The following EIF3L variants were observed in gnomAD, a reference collection of about 807,000 sequenced individuals.
EIF3L encodes eukaryotic translation initiation factor 3 subunit L, also known as eIEF associated protein HSPC021.
Under a neutral mutation model 74.6 loss-of-function variants are expected in EIF3L, and 32 were observed. The observed-to-expected ratio is 0.43, with a 90% CI of 0.32 to 0.58. EIF3L has a LOEUF of 0.58. Ranked by LOEUF, EIF3L falls within the 20% of genes least tolerant of loss-of-function variation. The pLI, the probability that EIF3L is intolerant of heterozygous loss-of-function variation, is 0.06. For synonymous variants in EIF3L, 256 were observed against 254.4 expected (o/e 1.01, Z -0.06); for missense variants, 474 against 707.8 (o/e 0.67, Z 3.75).
intron 4 of EIF3L, chr22:37,858,424 G>A: frequency 2.2e-6 from 1 of 449,172 alleles, no homozygotes; most frequent in Non-Finnish European, 3.9e-6. Flanking sequence ...TTATGCACTT[G>A]GATGGCAGAA....
At chr22:37,884,711 T>G (rs1190784939) in intron 11 of EIF3L, 6 of 152,096 alleles carry the variant, frequency 3.9e-5, no homozygotes, top group Admixed American at 3.9e-4. Context: ...GAGTCCCTTA[T>G]AGCCCCTGCC....
At position 37,877,357 on chromosome 22, in the gene EIF3L, A is replaced by C. The variant is rs1480042777; in HGVS notation, c.1078-317A>C. ...ATATTTCTGTCGTCATCAAGGTTGC[A>C]TCAAAGGTTTTGGGTAACTCGATCC... On this transcript the variant is annotated intron_variant, in intron 10 of 12. Transcript: ENST00000652021. 26 of 293,134 alleles carry C rather than the reference A, an allele frequency of 8.9e-5. No individual in the cohort carries two copies. In the East Asian group the frequency reaches 1.5e-3, roughly 17 times the overall value. 18.2% of individuals were successfully genotyped at this position (293,134 alleles called of 1,614,324 possible).
At chr22:37,865,400 C>T (rs1048788278) in intron 7 of EIF3L, among the ~76,000 whole-genome samples, 2 of 151,666 alleles carry the variant, frequency 1.3e-5, no homozygotes, top group Non-Finnish European at 2.9e-5. Context: ...GCAGAGCTTG[C>T]AGTGAGCCAA....
chr22:37,852,591 A>G (rs566021288), intron 3 of EIF3L, among the ~76,000 whole-genome samples: 1 of 152,272 alleles, frequency 6.6e-6, no homozygotes, highest in Admixed American at 6.5e-5. Context: ...AGGCCTATTG[A>G]TCAATGAATA....
chr22:37,853,297 G>A (rs1381868021), intron 3 of EIF3L, among the ~76,000 whole-genome samples: 5 of 152,220 alleles, frequency 3.3e-5, no homozygotes, highest in African/African-American at 7.2e-5. Flanking sequence ...CAGAAGAAGA[G>A]AGGGAGGCAA....
At chr22:37,878,874 A>C (rs1329644051) in intron 11 of EIF3L, 6 of 152,156 alleles carry the variant, frequency 3.9e-5, no homozygotes, top group Non-Finnish European at 7.3e-5. Context: ...TACGGTGTTC[A>C]GACAGGCTTT....
intron 2 of EIF3L, chr22:37,850,414 A>G (rs575244713): frequency 8.3e-6 from 2 of 239,784 alleles, no homozygotes; most frequent in African/African-American, 2.3e-5. Context: ...GCTCACTGCA[A>G]CCTCCGCGTC....
In EIF3L at chr22:37,889,130, A is replaced by G. The variant is rs1245974121; in HGVS notation, c.*666A>G. 1.3e-5 allele frequency: 2 copies of G among 151,840 alleles called. No individual in the cohort carries two copies. The highest frequency in any genetic ancestry group is 4.8e-5 in the African/African-American group (2 of 41,310). The allele number at this position is 151,840 out of a possible 1,614,324, so 9.4% of individuals were successfully genotyped here. ...ACTGGCGCGATCTCGGCTCACTGCA[A>G]GCTCCACCTCCCAGGTTCCTGCCAT... On this transcript the variant is annotated 3_prime_UTR_variant, in exon 13 of 13. Coordinates refer to ENST00000652021, the MANE Select transcript of EIF3L (RefSeq NM_016091.4).
chr22:37,856,970 T>C (rs1033039123), intron 4 of EIF3L, among the ~76,000 whole-genome samples: 1 of 151,758 alleles, frequency 6.6e-6, no homozygotes, highest in African/African-American at 2.4e-5. Context: ...GATTTTAGGA[T>C]GGACTTGTCA....
intron 11 of EIF3L, chr22:37,885,309 A>G (rs961471412): frequency 6.6e-6 from 1 of 152,088 alleles, no homozygotes; most frequent in Non-Finnish European, 1.5e-5. Context: ...CTTAATTACC[A>G]GCCTAGCTAT....
intron 7 of EIF3L, among the ~76,000 whole-genome samples, chr22:37,868,093 C>T (rs374435037): frequency 3.4e-5 from 5 of 147,744 alleles, no homozygotes; most frequent in African/African-American, 5.0e-5. Flanking sequence ...AATTGCATTA[C>T]GAGAATTCTT....
chr22:37,871,625 T>G (rs1275027451), intron 8 of EIF3L, among the ~76,000 whole-genome samples: 1 of 152,192 alleles, frequency 6.6e-6, no homozygotes, highest in Non-Finnish European at 1.5e-5. Context: ...CCTGGCATTT[T>G]GGGAGGCTGA....
At chr22:37,879,103 C>T (rs978944036) in intron 11 of EIF3L, 2 of 152,112 alleles carry the variant, frequency 1.3e-5, no homozygotes, top group Non-Finnish European at 2.9e-5. Flanking sequence ...GCCACCACAC[C>T]TGGCTAATTT....
chr22:37,882,730 CGT>C (rs1479153763), intron 11 of EIF3L: 2 of 151,760 alleles, frequency 1.3e-5, no homozygotes, highest in African/African-American at 2.4e-5. Flanking sequence ...AAGCCGGGCG[CGT>C]TGGTTCACGC....
intron 8 of EIF3L, among the ~76,000 whole-genome samples, chr22:37,872,055 AT>A (rs1208403698): frequency 6.6e-6 from 1 of 151,524 alleles, no homozygotes; most frequent in Non-Finnish European, 1.5e-5. Flanking sequence ...GTATTGGTGA[AT>A]TTTTCTTTTG....
chr22:37,862,435 A>G (rs919544731), intron 5 of EIF3L, among the ~76,000 whole-genome samples: 15 of 152,122 alleles, frequency 9.9e-5, no homozygotes, highest in African/African-American at 3.1e-4. Flanking sequence ...CTGTTCAGCT[A>G]TGTCTTTGTG....
chr22:37,874,895 A>ATTTTTTTTTTTTT (rs35994639), intron 9 of EIF3L, among the ~76,000 whole-genome samples: 3 of 113,488 alleles, frequency 2.6e-5, no homozygotes, highest in Admixed American at 9.8e-5. Flanking sequence ...TGCCCAGCTA[A>ATTTTTTTTTTTTT]TTTTTTTTTT....
intron 5 of EIF3L, among the ~76,000 whole-genome samples, chr22:37,861,338 G>A (rs1016336717): frequency 1.5e-4 from 23 of 152,100 alleles, no homozygotes; most frequent in Admixed American, 1.0e-3. Flanking sequence ...AGAGTAAGGG[G>A]CCATGTTTTT....
In EIF3L at chr22:37,849,432, C is replaced by T. The variant is rs1397700953; in HGVS notation, c.-18C>T. On this transcript the variant is annotated 5_prime_UTR_variant, in exon 1 of 13. Coordinates refer to ENST00000652021, the MANE Select transcript of EIF3L (RefSeq NM_016091.4). ...GCTCATTTCGCTCTTTCCGGCGGTG[C>T]TCGCAAGCGAGGCAGCCATGTCTTA... The T allele has an allele frequency of 6.2e-7, 1 of 1,613,936 alleles. No homozygotes were observed. The highest frequency in any genetic ancestry group is 8.5e-7 in the Non-Finnish European group (1 of 1,179,916).
Sources: allele counts gnomAD v4.1 joint callset (sites outside exome capture counted in the v4.1 genomes callset), GRCh38; gene constraint gnomAD v4.1.1; transcripts MANE v1.5; gene names NCBI Gene and HGNC (gene_info 2026-07-23, HGNC 2026-07-21).